The following SEZ6 variants were observed in gnomAD, a reference collection of about 807,000 sequenced individuals.
SEZ6 encodes seizure protein 6 homolog.
A neutral mutation model predicts 101.0 loss-of-function variants in SEZ6; 53 were observed. The ratio of observed to expected loss-of-function variants is 0.52; its 90% CI spans 0.42 to 0.66. The LOEUF is 0.66. Ranked by LOEUF, SEZ6 falls within the 30% of genes least tolerant of loss-of-function variation. The pLI, the probability that SEZ6 is intolerant of heterozygous loss-of-function variation, is 0.00. For synonymous variants in SEZ6, 488 were observed against 512.2 expected (o/e 0.95, Z 0.64); for missense variants, 1,102 against 1,289.4 (o/e 0.85, Z 2.23).
At position 28,959,283 on chromosome 17, in the gene SEZ6, G is replaced by T. The variant is rs1487133267; in HGVS notation, c.1910+51C>A. 4.3e-6 allele frequency: 7 copies of T among 1,613,596 alleles called. No individual in the cohort carries two copies. The East Asian group carries it at 1.6e-4, about 36-fold the overall frequency. On this transcript the variant is annotated intron_variant, in intron 9 of 16. Transcript: ENST00000317338. This position sits in a 1 kb window ranked among gnomAD's most constrained non-coding sequence, Gnocchi z 4.4. ...GGGCCCGAGGATGGGCTGGACAAGG[G>T]ATATCCCCAGACCTCAGGAGTTGGC... is the stretch of plus-strand genomic sequence containing the variant.
chr17:29,005,476 C>G lies in SEZ6; in HGVS notation c.55+339G>C, dbSNP rs1022625097. On this transcript the variant is annotated intron_variant, in intron 1 of 16. Transcript: ENST00000317338. The surrounding 1 kb of genome is among the most constrained non-coding windows in gnomAD (Gnocchi z 4.8). ...CGCCCCCCGGCACGCGCCCCAGCAC[C>G]CTGAGATGCCTAGAGTGTGGCGAGG... Among the ~76,000 whole-genome samples, 4 of 152,192 alleles carry G rather than the reference C, an allele frequency of 2.6e-5. No homozygotes were observed. The highest frequency in any genetic ancestry group is 4.4e-5 in the Non-Finnish European group (3 of 68,024).
chr17:28,994,815 G>A (rs2152692371), intron 1 of SEZ6, among the ~76,000 whole-genome samples: 1 of 152,258 alleles, frequency 6.6e-6, no homozygotes, highest in South Asian at 2.1e-4. Context: ...GGATGGGCAG[G>A]GGTAGAGGAG....
intron 1 of SEZ6, among the ~76,000 whole-genome samples, chr17:29,000,441 T>G (rs2041600830): frequency 6.6e-6 from 1 of 152,210 alleles, no homozygotes; most frequent in Non-Finnish European, 1.5e-5. Flanking sequence ...GCTTGACCAG[T>G]GAAGGCTGGG....
At chr17:28,962,249 A>C (rs994783988) in intron 5 of SEZ6, among the ~76,000 whole-genome samples, 11 of 152,078 alleles carry the variant, frequency 7.2e-5, no homozygotes, top group African/African-American at 2.4e-4. Context: ...TCCCAAACTA[A>C]TATTTCTGAA....
Position 28,956,382 on chromosome 17 carries a change from C to G in SEZ6, c.2817G>C (p.Leu939Phe), listed in dbSNP as rs556751154. 73 of 1,572,978 alleles carry G rather than the reference C, an allele frequency of 4.6e-5. No individual in the cohort carries two copies. The highest frequency in any genetic ancestry group is 4.3e-6 in the Non-Finnish European group (5 of 1,159,120). Residue 939 changes from leucine (L) to phenylalanine (F), a missense_variant, in exon 15 of 17, where the codon TTG (leucine) becomes TTC (phenylalanine). By Grantham distance (22) the Leu-to-Phe change is conservative. Coordinates refer to ENST00000317338, the MANE Select transcript of SEZ6 (RefSeq NM_178860.5). ...AIFLPLVAMVLLVGGVYFYFS... is the reference protein window; with the variant it reads ...AIFLPLVAMVFLVGGVYFYFS... ...AGTAGAAGTATACACCTCCTACCAA[C>G]AACACCATCGCCACCAGTGGCAAGA...
At position 29,005,932 on chromosome 17, in the gene SEZ6, G is replaced by T. The variant is rs1598221703; in HGVS notation, c.-63C>A. ...GCGGGAGGGCGGGGGGCTTGGTGGGGCTTGGGCGCGGGGGCAGAGCCGGGT... is the reference window on the plus strand; with the variant it reads ...GCGGGAGGGCGGGGGGCTTGGTGGGTCTTGGGCGCGGGGGCAGAGCCGGGT... On this transcript the variant is annotated 5_prime_UTR_variant, in exon 1 of 17. Coordinates refer to ENST00000317338, the MANE Select transcript of SEZ6 (RefSeq NM_178860.5). This position sits in a 1 kb window ranked among gnomAD's most constrained non-coding sequence, Gnocchi z 4.8. The T allele has an allele frequency of 4.5e-6, 6 of 1,338,504 alleles. No individual in the cohort carries two copies. The highest frequency in any genetic ancestry group is 5.8e-6 in the Non-Finnish European group (6 of 1,036,160). 82.9% of individuals were successfully genotyped at this position (1,338,504 alleles called of 1,614,324 possible).
At position 29,005,436 on chromosome 17, in the gene SEZ6, C is replaced by T. The variant is rs1384331729; in HGVS notation, c.55+379G>A. 1.3e-5 allele frequency among the ~76,000 whole-genome samples: 2 copies of T among 152,130 alleles called. No individual in the cohort carries two copies. Among genetic ancestry groups the T allele is most frequent in the Admixed American group, 6.5e-5 (1 of 15,292 alleles). ...CCACGGGCCGCCAGCTGGACCGTCC[C>T]GACTCACTGCCTTGCGCCCCCCGGC... is the stretch of plus-strand genomic sequence containing the variant. On this transcript the variant is annotated intron_variant, in intron 1 of 16. Transcript: ENST00000317338. The surrounding 1 kb of genome is among the most constrained non-coding windows in gnomAD (Gnocchi z 4.8).
In SEZ6 at chr17:28,981,503, C is replaced by G; in HGVS notation, c.592G>C (p.Glu198Gln). The change falls in exon 2 of 17, where the codon GAG becomes CAG. Residue 198 changes from glutamate to glutamine, a missense_variant. Coordinates refer to ENST00000317338, the MANE Select transcript of SEZ6 (RefSeq NM_178860.5). ...ATCCCTGCGCCCTGGGACACAACCT[C>G]TGCAACCCACGGCCTTCCCATGTCT... Reference protein sequence around the residue: ...PGDMGRPWVAEVVSQGAGIGI... With the variant: ...PGDMGRPWVAQVVSQGAGIGI... 6.2e-7 allele frequency: 1 copy of G among 1,607,968 alleles called. No homozygotes were observed. The highest frequency in any genetic ancestry group is 8.5e-7 in the Non-Finnish European group (1 of 1,177,102).
At chr17:28,978,837 G>A (rs117195724) in intron 3 of SEZ6, among the ~76,000 whole-genome samples, 329 of 152,050 alleles carry the variant, frequency 2.2e-3, no homozygotes, top group Non-Finnish European at 3.7e-3. Context: ...GGATGGTGGG[G>A]TCTAAACCAC....
chr17:28,960,657 T>C lies in SEZ6; in HGVS notation c.1424A>G (p.Asn475Ser). The change falls in exon 7 of 17, where the codon AAT becomes AGT. Residue 475 changes from asparagine (N) to serine (S), a missense_variant. Around this residue, in one of 3 missense-constraint regions of SEZ6, gnomAD observed 556 missense variants for 735.1 expected, o/e 0.76. Transcript: ENST00000317338. ...AEDDDRLIIR[N>S]GDNVEAPPVY... is the part of the protein sequence containing the mutation. ...TGGTGGGGCCTCCACGTTGTCCCCA[T>C]TGCGAATGATGAGCCTGAACCAGGA... 6.2e-7 allele frequency: 1 copy of C among 1,605,488 alleles called. No homozygotes were observed.
At chr17:28,989,351 C>A (rs189769810) in intron 1 of SEZ6, among the ~76,000 whole-genome samples, 1 of 152,238 alleles carries the variant, frequency 6.6e-6, no homozygotes, top group Non-Finnish European at 1.5e-5. Context: ...CCTATAATAA[C>A]TTTATGAGAT....
At chr17:28,982,601 C>G (rs190041712) in intron 1 of SEZ6, among the ~76,000 whole-genome samples, 62 of 152,116 alleles carry the variant, frequency 4.1e-4, no homozygotes, top group Non-Finnish European at 4.0e-4. Flanking sequence ...TCAGGAAATG[C>G]GTCACATATT....
At chr17:28,993,149 T>C (rs2041488853) in intron 1 of SEZ6, among the ~76,000 whole-genome samples, 1 of 151,988 alleles carries the variant, frequency 6.6e-6, no homozygotes, top group Non-Finnish European at 1.5e-5. Flanking sequence ...TGATAAATAA[T>C]CAATCTGCTG....
chr17:28,991,606 G>A (rs1316116904), intron 1 of SEZ6, among the ~76,000 whole-genome samples: 1 of 152,214 alleles, frequency 6.6e-6, no homozygotes, highest in East Asian at 1.9e-4. Context: ...ACCTCTCAGT[G>A]AGGAAGAGCC....
At position 28,959,471 on chromosome 17, in the gene SEZ6, G is replaced by A. The variant is rs181834398; in HGVS notation, c.1773C>T (p.Ala591=). Residue 591 remains alanine, a splice_region_variant and synonymous_variant, in exon 9 of 17, where the codon GCC becomes GCT. Coordinates refer to ENST00000317338, the MANE Select transcript of SEZ6 (RefSeq NM_178860.5). The surrounding 1 kb of genome is among the most constrained non-coding windows in gnomAD (Gnocchi z 4.4). The part of the protein sequence containing the change: ...QWNETEPACR[A]VCSGEITDSA... ...AGTCTGTGATCTCCCCGCTGCACAC[G>A]GCTGGAAGGCAGAGGAGGCCCAGAA... 64 of 1,612,604 alleles carry A rather than the reference G, an allele frequency of 4.0e-5. 1 individual carries two copies. In the East Asian group the frequency reaches 8.2e-4, roughly 21 times the overall value.
chr17:28,987,920 C>T (rs986680498), intron 1 of SEZ6, among the ~76,000 whole-genome samples: 6 of 152,206 alleles, frequency 3.9e-5, no homozygotes, highest in Non-Finnish European at 8.8e-5. Flanking sequence ...GTCTACTGCT[C>T]TTGCTGGCTT....
intron 1 of SEZ6, among the ~76,000 whole-genome samples, chr17:29,000,422 A>G (rs1278930925): frequency 6.6e-6 from 1 of 152,242 alleles, no homozygotes; most frequent in Non-Finnish European, 1.5e-5. Flanking sequence ...TAGAAAAGTC[A>G]TGTGAAACGC....
At chr17:29,001,338 G>T (rs1349700077) in intron 1 of SEZ6, among the ~76,000 whole-genome samples, 1 of 152,198 alleles carries the variant, frequency 6.6e-6, no homozygotes, top group Admixed American at 6.5e-5. Flanking sequence ...GTTGAGTTTA[G>T]TTTTGCTGCT....
intron 1 of SEZ6, among the ~76,000 whole-genome samples, chr17:28,993,519 AG>A: frequency 6.6e-6 from 1 of 152,228 alleles, no homozygotes; most frequent in Non-Finnish European, 1.5e-5. Context: ...AGCTGGGACA[AG>A]GAAGGATGTG....
Sources: gnomAD v4.1 joint callset for allele counts (sites outside exome capture counted in the v4.1 genomes callset) on GRCh38, gnomAD v4.1.1 for gene constraint, gnomAD v4.1.1 regional missense constraint, Gnocchi (gnomAD v3.1) non-coding constraint, MANE v1.5 for transcripts, NCBI Gene and HGNC (gene_info 2026-07-23, HGNC 2026-07-21) for gene names.